PLEKHA8: variants seen among roughly 807,000 people sequenced by gnomAD.
PLEKHA8 encodes pleckstrin homology domain containing A8.
In PLEKHA8, 36 loss-of-function variants were observed where a neutral mutation model predicts 68.2. The ratio of observed to expected loss-of-function variants is 0.53; its 90% CI spans 0.40 to 0.70. The LOEUF (loss-of-function observed/expected upper bound fraction) is 0.70. PLEKHA8 is among the 30% of genes least tolerant of loss of function. The probability of loss-of-function intolerance (pLI) is 0.00; values close to 1 mark genes in which losing one functional copy is unlikely to be tolerated. For missense variants in PLEKHA8, 505 were observed against 615.4 expected (o/e 0.82, Z 1.90); for synonymous variants, 211 against 216.1 (o/e 0.98, Z 0.20).
At chr7:30,063,413 A>T (rs934714730) in intron 12 of PLEKHA8, among the ~76,000 whole-genome samples, 2 of 152,226 alleles carry the variant, frequency 1.3e-5, no homozygotes, top group African/African-American at 4.8e-5. Context: ...GCATCCTTAG[A>T]GTGCTTCTAA....
chr7:30,084,298 C>T lies in PLEKHA8; in HGVS notation c.*5511C>T, dbSNP rs1010745879. On this transcript the variant is annotated 3_prime_UTR_variant, in exon 14 of 14. Coordinates refer to ENST00000449726, the MANE Select transcript of PLEKHA8 (RefSeq NM_001197026.2). ...GTTTGTGGTTTCATAGATTTATGCA[C>T]TTTGAATATCTGTCACGTGCAGTGT... 22 of 985,264 alleles carry T rather than the reference C, an allele frequency of 2.2e-5. No homozygotes were observed. Among genetic ancestry groups the T allele is most frequent in the Non-Finnish European group, 2.7e-5 (22 of 829,890 alleles). 61.0% of individuals were successfully genotyped at this position (985,264 alleles called of 1,614,324 possible).
intron 13 of PLEKHA8, among the ~76,000 whole-genome samples, chr7:30,107,205 GT>G (rs1261640420): frequency 6.6e-6 from 1 of 151,938 alleles, no homozygotes; most frequent in Non-Finnish European, 1.5e-5. Context: ...CTTCAATAAA[GT>G]TTTACAATTT....
At chr7:30,114,203 CTTTT>C (rs373731966) in intron 13 of PLEKHA8, among the ~76,000 whole-genome samples, 1 of 151,994 alleles carries the variant, frequency 6.6e-6, no homozygotes, top group Non-Finnish European at 1.5e-5. Flanking sequence ...CCCTACTTTT[CTTTT>C]TTTTGTTACA....
At chr7:30,078,494 T>G (rs1219206577) in intron 13 of PLEKHA8, 96 bp from the exon 14 acceptor site, 1 of 1,261,710 alleles carries the variant, frequency 7.9e-7, no homozygotes, top group Non-Finnish European at 1.1e-6. Flanking sequence ...GCTGTTTGTA[T>G]GTGTGAAAGT....
intron 1 of PLEKHA8, among the ~76,000 whole-genome samples, chr7:30,035,110 A>G (rs1019878238): frequency 1.3e-5 from 2 of 152,112 alleles, no homozygotes; most frequent in African/African-American, 4.8e-5. Context: ...TTTCAGTGAT[A>G]AAGTCACAAG....
At chr7:30,055,966 G>A (rs1297675034) in intron 9 of PLEKHA8, among the ~76,000 whole-genome samples, 23 of 133,586 alleles carry the variant, frequency 1.7e-4, no homozygotes, top group Admixed American at 1.5e-3. Flanking sequence ...TTTTTGAGAC[G>A]GAGTCTTGCT....
chr7:30,124,010 G>A (rs1246471393), intron 13 of PLEKHA8, among the ~76,000 whole-genome samples: 5 of 152,156 alleles, frequency 3.3e-5, no homozygotes, highest in Admixed American at 2.6e-4. Context: ...TCTTTGGGTC[G>A]TTGTAAACAG....
At position 30,078,878 on chromosome 7, in the gene PLEKHA8, T is replaced by A. The variant is rs145253158; in HGVS notation, c.*91T>A. Reference sequence around the variant, plus strand: ...ATTTCCAGCAACAGCCTCAACCCTCTCCAACCCCTTCACCTGGGGGGATGG... The same window carrying A: ...ATTTCCAGCAACAGCCTCAACCCTCACCAACCCCTTCACCTGGGGGGATGG... On this transcript the variant is annotated 3_prime_UTR_variant, in exon 14 of 14. Coordinates refer to ENST00000449726, the MANE Select transcript of PLEKHA8 (RefSeq NM_001197026.2). 3.3e-4 allele frequency: 488 copies of A among 1,482,946 alleles called. No homozygotes were observed. Among genetic ancestry groups the A allele is most frequent in the Middle Eastern group, 1.6e-3 (9 of 5,608 alleles). 91.9% of individuals were successfully genotyped at this position (1,482,946 alleles called of 1,614,324 possible). A position where few individuals can be genotyped will look rare whatever the true frequency, so the allele number is the denominator to read the frequency against.
At chr7:30,084,683 G>A (rs2128002128), downstream of PLEKHA8, 2 of 876,550 alleles carry the variant, frequency 2.3e-6, no homozygotes, top group East Asian at 1.2e-4. Flanking sequence ...GTGGTTTTCT[G>A]CCTAATTGAA....
intron 1 of PLEKHA8, among the ~76,000 whole-genome samples, chr7:30,041,823 T>C (rs2127967646): frequency 6.6e-6 from 1 of 152,298 alleles, no homozygotes; most frequent in East Asian, 1.9e-4. Context: ...GGACACTCTT[T>C]TTTTTTCACA....
chr7:30,046,145 G>A, intron 2 of PLEKHA8, 65 bp from the exon 3 acceptor site: 3 of 1,412,830 alleles, frequency 2.1e-6, no homozygotes, highest in South Asian at 1.7e-5. Flanking sequence ...AAGAAGTTGG[G>A]TGGGTTGGAG....
Position 30,047,850 on chromosome 7 carries a change from A to G in PLEKHA8, c.332A>G (p.Glu111Gly). Residue 111 changes from glutamate to glycine, a missense_variant, in exon 4 of 14, where the codon GAA (glutamate) becomes GGA (glycine). Physicochemically the swap from Glu to Gly is moderately conservative, Grantham distance 98. Coordinates refer to ENST00000449726, the MANE Select transcript of PLEKHA8 (RefSeq NM_001197026.2). ...QKEKEFAENT[E>G]NLKTKMSELR... ...CATTTAGAGTTTGCTGAAAACACTGAAAACTTGAAAACCAAAATGTCAGAA... is the reference window on the plus strand; with the variant it reads ...CATTTAGAGTTTGCTGAAAACACTGGAAACTTGAAAACCAAAATGTCAGAA... 6.2e-7 allele frequency: 1 copy of G among 1,609,812 alleles called. No homozygotes were observed. The highest frequency in any genetic ancestry group is 2.2e-5 in the East Asian group (1 of 44,686).
downstream of PLEKHA8, among the ~76,000 whole-genome samples, chr7:30,093,568 G>C (rs1468505536): frequency 1.3e-5 from 2 of 152,212 alleles, no homozygotes; most frequent in Non-Finnish European, 2.9e-5. Flanking sequence ...GAGCATGTTA[G>C]TTAACATCTC....
At chr7:30,121,426 C>T (rs1008311148) in intron 13 of PLEKHA8, among the ~76,000 whole-genome samples, 11 of 152,062 alleles carry the variant, frequency 7.2e-5, no homozygotes, top group African/African-American at 1.7e-4. Context: ...ATTAGGAGTT[C>T]GAGACCTGCC....
At position 30,064,178 on chromosome 7, in the gene PLEKHA8, T is replaced by C. The variant is rs1793653878; in HGVS notation, c.1300+1436T>C. ...ACTTTGTTCATCTATAAAATGGGAATGGTGATATTATTTCCCTAACAAGGT... is the reference window on the plus strand; with the variant it reads ...ACTTTGTTCATCTATAAAATGGGAACGGTGATATTATTTCCCTAACAAGGT... On this transcript the variant is annotated intron_variant, in intron 12 of 13. Transcript: ENST00000449726. Among the ~76,000 whole-genome samples the C allele has an allele frequency of 3.3e-5, 5 of 152,360 alleles. No individual in the cohort carries two copies. The South Asian group carries it at 1.0e-3, about 32-fold the overall frequency.
intron 1 of PLEKHA8, among the ~76,000 whole-genome samples, chr7:30,031,369 CT>C (rs1442891364): frequency 6.6e-6 from 1 of 152,128 alleles, no homozygotes; most frequent in Non-Finnish European, 1.5e-5. Context: ...ATAAATCAAG[CT>C]GTTAATAGTT....
intron 13 of PLEKHA8, among the ~76,000 whole-genome samples, chr7:30,118,646 C>T (rs908984666): frequency 2.0e-5 from 3 of 151,164 alleles, no homozygotes; most frequent in Non-Finnish European, 4.4e-5. Flanking sequence ...GGCGCGATCT[C>T]GGCTCACTGC....
At chr7:30,050,670 TAGGGAAG>T in intron 6 of PLEKHA8, 196 bp downstream of exon 6, 2 of 605,550 alleles carry the variant, frequency 3.3e-6, no homozygotes, top group Non-Finnish European at 5.0e-6. Flanking sequence ...TTAGCACTAA[TAGGGAAG>T]ATGTTGGCAT....
intron 7 of PLEKHA8, among the ~76,000 whole-genome samples, chr7:30,053,475 T>C (rs1254941011): frequency 1.3e-5 from 2 of 152,184 alleles, no homozygotes; most frequent in Non-Finnish European, 2.9e-5. Context: ...TACCTTGAAA[T>C]AAGAGACCTT....
Sources: allele counts gnomAD v4.1 joint callset (sites outside exome capture counted in the v4.1 genomes callset), GRCh38; gene constraint gnomAD v4.1.1; transcripts MANE v1.5; gene names NCBI Gene and HGNC (gene_info 2026-07-23, HGNC 2026-07-21).